TAF6: variants seen among roughly 807,000 people sequenced by gnomAD.
TAF6 encodes the protein TATA-box binding protein associated factor 6.
TAF6 carries 50 observed loss-of-function variants against 73.5 expected under a neutral mutation model. The ratio of observed to expected loss-of-function variants is 0.68; its 90% CI spans 0.54 to 0.86. The LOEUF is 0.86. Among genes scored for constraint, TAF6 ranks in the 40% least tolerant of loss-of-function variants. TAF6 has a pLI of 0.00. For synonymous variants in TAF6, 424 were observed against 376.7 expected (o/e 1.13, Z -1.45); for missense variants, 768 against 899.5 (o/e 0.85, Z 1.87).
rs771597130 is a variant in TAF6 at position 100,107,267 on chromosome 7, G to A, written c.2013C>T (p.Gly671=). 2 of 1,523,624 alleles carry A rather than the reference G, an allele frequency of 1.3e-6. No homozygotes were observed. Among genetic ancestry groups the A allele is most frequent in the Non-Finnish European group, 1.8e-6 (2 of 1,138,862 alleles). 94.4% of individuals were successfully genotyped at this position (1,523,624 alleles called of 1,614,324 possible). A position where few individuals can be genotyped will look rare whatever the true frequency, so the allele number is the denominator to read the frequency against. Residue 671 remains glycine (G), a synonymous_variant, in exon 15 of 15, where the codon GGC becomes GGT. Coordinates refer to ENST00000453269, the MANE Select transcript of TAF6 (RefSeq NM_139315.3). ...PKANGSQPNS[G]SPQPAP Reference sequence around the variant, plus strand: ...AGCATCACGGAGCAGGCTGAGGGGAGCCGGAGTTGGGCTGGGAGCCATTGG... The same window carrying A: ...AGCATCACGGAGCAGGCTGAGGGGAACCGGAGTTGGGCTGGGAGCCATTGG...
In TAF6 at chr7:100,108,389, C is replaced by A; in HGVS notation, c.1436G>T (p.Arg479Met). 1 of 1,611,386 alleles carries A rather than the reference C, an allele frequency of 6.2e-7. No homozygotes were observed. The change falls in exon 13 of 15, where the codon AGG becomes ATG. Residue 479 changes from arginine (R) to methionine (M), a missense_variant. By Grantham distance (91) the Arg-to-Met change is moderately conservative. Coordinates refer to ENST00000453269, the MANE Select transcript of TAF6 (RefSeq NM_139315.3). ...GACCTGCGTGATGGTCAGAGTGGTCCTGTTGACCTGCTGAGCCTGCAGAGC... is the reference window on the plus strand; with the variant it reads ...GACCTGCGTGATGGTCAGAGTGGTCATGTTGACCTGCTGAGCCTGCAGAGC... ...QAALQAQQVN[R>M]TTLTITQPRP...
upstream of TAF6, chr7:100,119,536 G>T: frequency 7.4e-7 from 1 of 1,355,256 alleles, no homozygotes; most frequent in Non-Finnish European, 9.8e-7. Flanking sequence ...TCACTACCCG[G>T]CTGCCAGGAC....
At chr7:100,114,472 CACTTTGGG>C in intron 1 of TAF6, 1 of 625,064 alleles carries the variant, frequency 1.6e-6, no homozygotes, top group Non-Finnish European at 2.8e-6. Context: ...ATCCCACCAG[CACTTTGGG>C]AGGACGAGGC....
rs111787773 is a variant in TAF6 at position 100,107,240 on chromosome 7, G to A, written c.*6C>T. 48 of 1,521,190 alleles carry A rather than the reference G, an allele frequency of 3.2e-5. No homozygotes were observed. Among genetic ancestry groups the A allele is most frequent in the Non-Finnish European group, 4.2e-5 (48 of 1,137,936 alleles). 94.2% of individuals were successfully genotyped at this position (1,521,190 alleles called of 1,614,324 possible). ...TGTGGGAATCCGGGGGCTGGCAGGT[G>A]GAGCATCACGGAGCAGGCTGAGGGG... On this transcript the variant is annotated 3_prime_UTR_variant, in exon 15 of 15. Transcript: ENST00000453269.
At chr7:100,122,741 T>C (rs762564478), upstream of TAF6, 3 of 1,582,846 alleles carry the variant, frequency 1.9e-6, no homozygotes, top group South Asian at 1.1e-5. Context: ...AAGGGAGGGG[T>C]GGGGTGGTGA....
In TAF6 at chr7:100,110,006, C is replaced by G. The variant is rs1204658715; in HGVS notation, c.1226G>C (p.Gly409Ala). The G allele has an allele frequency of 6.2e-7, 1 of 1,614,038 alleles. No homozygotes were observed. Among genetic ancestry groups the G allele is most frequent in the Admixed American group, 1.7e-5 (1 of 59,992 alleles). ...EGERIRSVLDGPVLSNIDRIG... is the reference protein window; with the variant it reads ...EGERIRSVLDAPVLSNIDRIG... ...CCGGTCAATGTTGCTCAGCACAGGG[C>G]CGTCCAGCACACTGCGGATCCGCTC... Residue 409 changes from glycine (G) to alanine (A), a missense_variant, in exon 12 of 15, where the codon GGC becomes GCC. Gly to Ala is a moderately conservative substitution (Grantham distance 60). Coordinates refer to ENST00000453269, the MANE Select transcript of TAF6 (RefSeq NM_139315.3).
chr7:100,116,499 C>A (rs1797682775), intron 1 of TAF6: 1 of 152,044 alleles, frequency 6.6e-6, no homozygotes, highest in Non-Finnish European at 1.5e-5. Context: ...ATTAGATGGG[C>A]ATGGTGGCGG....
At position 100,110,491 on chromosome 7, in the gene TAF6, ACT is replaced by A. The variant is rs766723445; in HGVS notation, c.1084-219_1084-218del. 4 of 458,864 alleles carry A rather than the reference ACT, an allele frequency of 8.7e-6. No individual in the cohort carries two copies. In the East Asian group the frequency reaches 1.4e-4, roughly 16 times the overall value. The allele number at this position is 458,864 out of a possible 1,614,324, so 28.4% of individuals were successfully genotyped here. On this transcript the variant is annotated intron_variant, in intron 10 of 14. Transcript: ENST00000453269. ...AGACCACCCTAGTCAACATGGTGAA[ACT>A]CTGTCTCTACTAAAAATACAAAAAT... is the stretch of plus-strand genomic sequence containing the variant.
At chr7:100,119,769 T>C (rs1409865348), upstream of TAF6, 1 of 1,614,056 alleles carries the variant, frequency 6.2e-7, no homozygotes, top group Non-Finnish European at 8.5e-7. Context: ...GTTGGGAATA[T>C]TGCTTTTCCT....
intron 1 of TAF6, among the ~76,000 whole-genome samples, chr7:100,117,199 T>C (rs1024041279): frequency 6.7e-6 from 1 of 150,344 alleles, no homozygotes; most frequent in Non-Finnish European, 1.5e-5. Flanking sequence ...TGAGTAGAGG[T>C]TGTGCCACTG....
At chr7:100,121,110 ATATATATTTTTTTTTTTTTTTTT>A (rs1798038755), upstream of TAF6, 2 of 28,376 alleles carry the variant, frequency 7.0e-5, no homozygotes, top group Non-Finnish European at 6.9e-5. Context: ...ATATATATAT[ATATATATTTTTTTTTTTTTTTTT>A]TTTTTTTTTT....
intron 1 of TAF6, among the ~76,000 whole-genome samples, chr7:100,117,717 A>G (rs1797782822): frequency 6.6e-6 from 1 of 152,126 alleles, no homozygotes; most frequent in Non-Finnish European, 1.5e-5. Flanking sequence ...TTAATAGGTC[A>G]TAGGCCCAAG....
intron 1 of TAF6, chr7:100,118,966 C>A: frequency 1.0e-6 from 1 of 985,382 alleles, no homozygotes; most frequent in Non-Finnish European, 1.2e-6. Flanking sequence ...CCGGCGGTAC[C>A]CTCTGCCAGT....
intron 14 of TAF6, 106 bp from the exon 15 acceptor site, chr7:100,107,729 A>C: frequency 6.7e-7 from 1 of 1,497,138 alleles, no homozygotes; most frequent in Non-Finnish European, 8.9e-7. Flanking sequence ...TTGTTCCTGT[A>C]GTTCACCCTG....
upstream of TAF6, chr7:100,119,473 C>A (rs551458274): frequency 6.7e-6 from 9 of 1,342,798 alleles, no homozygotes; most frequent in Admixed American, 3.6e-5. Flanking sequence ...TTTGTTTCTA[C>A]ATCTATATAT....
At chr7:100,125,808 C>T in the TAF6 span, among the ~76,000 whole-genome samples, 1 of 152,174 alleles carries the variant, frequency 6.6e-6, no homozygotes, top group Non-Finnish European at 1.5e-5. Flanking sequence ...CTTTGGGAGG[C>T]CGAGGCAGGC....
intron 5 of TAF6, 137 bp from the exon 6 acceptor site, chr7:100,113,054 C>T: frequency 1.6e-6 from 2 of 1,285,466 alleles, no homozygotes; most frequent in Non-Finnish European, 2.1e-6. Flanking sequence ...CACCTCAGGT[C>T]AGAAGTTCGA....
chr7:100,124,743 G>A, upstream of TAF6: 2 of 1,613,876 alleles, frequency 1.2e-6, no homozygotes, highest in South Asian at 1.1e-5. Flanking sequence ...CAGGAAACTT[G>A]GACTGGAAAG....
At chr7:100,126,010 G>C in the TAF6 span, among the ~76,000 whole-genome samples, 3 of 152,122 alleles carry the variant, frequency 2.0e-5, no homozygotes, top group African/African-American at 7.2e-5. Context: ...TACGGTGAAA[G>C]CCCGTCTCTA....
Sources: allele counts gnomAD v4.1 joint callset (sites outside exome capture counted in the v4.1 genomes callset), GRCh38; gene constraint gnomAD v4.1.1; transcripts MANE v1.5; gene names NCBI Gene and HGNC (gene_info 2026-07-23, HGNC 2026-07-21).